The following PDE12 variants were observed in gnomAD, a reference collection of about 807,000 sequenced individuals.
PDE12 encodes 2',5'-phosphodiesterase 12.
Under a neutral mutation model 45.4 loss-of-function variants are expected in PDE12, and 26 were observed. The ratio of observed to expected loss-of-function variants is 0.57; its 90% confidence interval spans 0.42 to 0.79. The LOEUF is 0.79. Among genes scored for constraint, PDE12 ranks in the 30% least tolerant of loss-of-function variants. The pLI is 0.00. For synonymous variants in PDE12, 283 were observed against 323.9 expected, an observed-to-expected ratio of 0.87 and a Z score of 1.36; for missense variants, 668 against 790.0, an observed-to-expected ratio of 0.85 and a Z score of 1.85.
At chr3:57,568,523 T>C (rs1334041278), downstream of PDE12, among the ~76,000 whole-genome samples, 1 of 151,806 alleles carries the variant, frequency 6.6e-6, no homozygotes. Flanking sequence ...TAATTCTGTA[T>C]ACTCAAGTAA....
chr3:57,599,483 GTCT>G, the PDE12 span, among the ~76,000 whole-genome samples: 1 of 152,088 alleles, frequency 6.6e-6, no homozygotes, highest in Admixed American at 6.6e-5. Context: ...AATTCTTAGG[GTCT>G]TCTTAAATTC....
At chr3:57,579,917 A>G in the PDE12 span, among the ~76,000 whole-genome samples, 2 of 151,978 alleles carry the variant, frequency 1.3e-5, no homozygotes, top group African/African-American at 2.4e-5. Flanking sequence ...CCCTGGGCAG[A>G]GTAAGACCCT....
Position 57,564,666 on chromosome 3 carries a change from CTTTT to C in PDE12, c.*4668_*4671del, listed in dbSNP as rs970010039. The C allele has an allele frequency of 6.6e-6, 1 of 151,008 alleles. No individual in the cohort carries two copies. The highest frequency in any genetic ancestry group is 2.4e-5 in the African/African-American group (1 of 41,034). 9.4% of individuals were successfully genotyped at this position (151,008 alleles called of 1,614,324 possible). ...TTTCTTATACTGGATAATATAAACA[CTTTT>C]TTTTTCTTTTTTGAGACAGGGTCTG... is the stretch of plus-strand genomic sequence containing the variant. On this transcript the variant is annotated 3_prime_UTR_variant, in exon 3 of 3. Coordinates refer to ENST00000311180, the MANE Select transcript of PDE12 (RefSeq NM_177966.7).
At chr3:57,601,431 A>G in the PDE12 span, among the ~76,000 whole-genome samples, 20,233 of 152,024 alleles carry the variant, frequency 0.13, 1,433 homozygotes, top group South Asian at 0.21. Context: ...TCTTAGTGAG[A>G]TCTTTTTAGT....
downstream of PDE12, among the ~76,000 whole-genome samples, chr3:57,570,014 G>A (rs1371755423): frequency 6.6e-6 from 1 of 151,798 alleles, no homozygotes; most frequent in Non-Finnish European, 1.5e-5. Flanking sequence ...CCTAGTTGAT[G>A]CCCCATAAGA....
chr3:57,597,625 A>T, the PDE12 span: 1 of 155,966 alleles, frequency 6.4e-6, no homozygotes. Flanking sequence ...GAGACGGACA[A>T]AGTCCCACAA....
chr3:57,565,347 T>C lies in PDE12; in HGVS notation c.*5343T>C, dbSNP rs1330093005. The C allele has an allele frequency of 6.6e-6, 1 of 152,216 alleles. No individual in the cohort carries two copies. The highest frequency in any genetic ancestry group is 1.5e-5 in the Non-Finnish European group (1 of 68,030). The allele number at this position is 152,216 out of a possible 1,614,324, so 9.4% of individuals were successfully genotyped here. A position where few individuals can be genotyped will look rare whatever the true frequency, so the allele number is the denominator to read the frequency against. ...TCCAGAAAAAAACATATTTATCAAC[T>C]TTTAAAAACATTTTATGGGTACATA... On this transcript the variant is annotated 3_prime_UTR_variant, in exon 3 of 3. Transcript: ENST00000311180.
At position 57,556,742 on chromosome 3, in the gene PDE12, CGTG is replaced by C. The variant is rs1326676435; in HGVS notation, c.367_369del (p.Val123del). ...CTGAGCCGGCTGTGTTCTGCGAGCCCGTGGTGAAGCTGTACTACCGGGAAGAGG... is the reference window on the plus strand; with the variant it reads ...CTGAGCCGGCTGTGTTCTGCGAGCCCGTGAAGCTGTACTACCGGGAAGAGG... On this transcript the variant is annotated inframe_deletion, in exon 1 of 3. Coordinates refer to ENST00000311180, the MANE Select transcript of PDE12 (RefSeq NM_177966.7). This position sits in a 1 kb window ranked among gnomAD's most constrained non-coding sequence, Gnocchi z 5.0. 6.3e-7 allele frequency: 1 copy of C among 1,598,336 alleles called. No homozygotes were observed. Among genetic ancestry groups the C allele is most frequent in the Non-Finnish European group, 8.6e-7 (1 of 1,168,722 alleles).
the PDE12 span, chr3:57,630,995 A>G: frequency 6.2e-7 from 1 of 1,607,952 alleles, no homozygotes; most frequent in Non-Finnish European, 8.5e-7. Flanking sequence ...CCAAGAAAAA[A>G]GTTAATAAAA....
chr3:57,599,543 C>A, the PDE12 span, among the ~76,000 whole-genome samples: 12 of 152,320 alleles, frequency 7.9e-5, no homozygotes, highest in African/African-American at 2.9e-4. Context: ...TATTCCAAAT[C>A]TTAATCCATG....
the PDE12 span, chr3:57,655,036 A>AT: frequency 0.032 from 4,852 of 149,702 alleles, 100 homozygotes; most frequent in Admixed American, 0.063. Context: ...GAAAACAAGA[A>AT]TTTTTTTTTT....
chr3:57,637,766 C>CA, the PDE12 span, among the ~76,000 whole-genome samples: 2,079 of 109,388 alleles, frequency 0.019, 30 homozygotes, highest in African/African-American at 0.046. Flanking sequence ...AATAAGACTT[C>CA]AAAAAAAAAA....
In PDE12 at chr3:57,556,468, C is replaced by T; in HGVS notation, c.89C>T (p.Thr30Ile). The change falls in exon 1 of 3, where the codon ACA becomes ATA. Residue 30 changes from threonine to isoleucine, a missense_variant. Physicochemically the swap from Thr to Ile is moderately conservative, Grantham distance 89. Around this residue, in one of 3 missense-constraint regions of PDE12, gnomAD observed 580 missense variants for 662.9 expected, o/e 0.87. Coordinates refer to ENST00000311180, the MANE Select transcript of PDE12 (RefSeq NM_177966.7). The surrounding 1 kb of genome is among the most constrained non-coding windows in gnomAD (Gnocchi z 5.0). Reference protein sequence around the residue: ...KLSRAEAGSQTAAGAMERAVV... With the variant: ...KLSRAEAGSQIAAGAMERAVV... ...AGCCGGGCTGAAGCGGGGAGCCAGA[C>T]AGCGGCGGGAGCGATGGAGCGCGCT... 1 of 1,611,800 alleles carries T rather than the reference C, an allele frequency of 6.2e-7. No homozygotes were observed. The highest frequency in any genetic ancestry group is 8.5e-7 in the Non-Finnish European group (1 of 1,178,930).
At chr3:57,588,344 C>T in the PDE12 span, among the ~76,000 whole-genome samples, 4 of 151,606 alleles carry the variant, frequency 2.6e-5, 1 homozygote, top group South Asian at 4.2e-4. Context: ...GCAGGCGGAT[C>T]GCTTGAGCCC....
At chr3:57,619,695 T>C in the PDE12 span, 1 of 150,790 alleles carries the variant, frequency 6.6e-6, no homozygotes, top group East Asian at 2.0e-4. Flanking sequence ...TCTACTAAAA[T>C]ACAAAAATTA....
At position 57,556,652 on chromosome 3, in the gene PDE12, C is replaced by A. The variant is rs759519573; in HGVS notation, c.273C>A (p.Ala91=). 11 of 1,600,264 alleles carry A rather than the reference C, an allele frequency of 6.9e-6. No individual in the cohort carries two copies. The South Asian group carries it at 1.1e-4, about 16-fold the overall frequency. Reference sequence around the variant, plus strand: ...TAAAGGGTCACGCTAAGGCGGCCGCCGCCAAGAAGAGCAGGAAGAGCCGGC... The same window carrying A: ...TAAAGGGTCACGCTAAGGCGGCCGCAGCCAAGAAGAGCAGGAAGAGCCGGC... ...NALKGHAKAA[A]AKKSRKSRPN... The change falls in exon 1 of 3, where the codon GCC becomes GCA. Residue 91 remains alanine (A), a synonymous_variant. Coordinates refer to ENST00000311180, the MANE Select transcript of PDE12 (RefSeq NM_177966.7). The surrounding 1 kb of genome is among the most constrained non-coding windows in gnomAD (Gnocchi z 5.0).
chr3:57,641,290 AT>A, the PDE12 span, among the ~76,000 whole-genome samples: 1 of 143,900 alleles, frequency 6.9e-6, no homozygotes, highest in African/African-American at 2.5e-5. Flanking sequence ...ATATTTAAAT[AT>A]TATATATTTA....
At chr3:57,597,247 G>A in the PDE12 span, 2 of 1,133,332 alleles carry the variant, frequency 1.8e-6, no homozygotes, top group South Asian at 1.4e-5. Flanking sequence ...AAGAGAAAGA[G>A]CGGAGGAAGA....
the PDE12 span, among the ~76,000 whole-genome samples, chr3:57,585,299 G>T: frequency 6.6e-6 from 1 of 152,060 alleles, no homozygotes; most frequent in East Asian, 1.9e-4. Context: ...TGATGCTAAG[G>T]GGTAAAAAAT....
Sources: allele counts gnomAD v4.1 joint callset (sites outside exome capture counted in the v4.1 genomes callset), GRCh38; gene constraint gnomAD v4.1.1; regional missense constraint gnomAD v4.1.1; non-coding constraint Gnocchi (gnomAD v3.1); transcripts MANE v1.5; gene names NCBI Gene and HGNC (gene_info 2026-07-23, HGNC 2026-07-21).